TIAM1: variants seen among roughly 807,000 people sequenced by gnomAD.
The protein encoded by TIAM1 is TIAM Rac1 associated GEF 1.
A neutral mutation model predicts 163.5 loss-of-function variants in TIAM1; 65 were observed. The ratio of observed to expected loss-of-function variants is 0.40; its 90% CI spans 0.33 to 0.49. TIAM1 has a LOEUF of 0.49. Among genes scored for constraint, TIAM1 ranks in the 20% least tolerant of loss-of-function variants. TIAM1 has a pLI of 0.77. For synonymous variants in TIAM1, 833 were observed against 810.1 expected, an observed-to-expected ratio of 1.03 and a Z score of -0.48; for missense variants, 1,789 against 2,044.7, an observed-to-expected ratio of 0.87 and a Z score of 2.41.
chr21:31,346,948 GA>G (rs367565631), upstream of TIAM1, among the ~76,000 whole-genome samples: 13 of 152,168 alleles, frequency 8.5e-5, no homozygotes, highest in African/African-American at 3.1e-4. Flanking sequence ...ATTTTGCATG[GA>G]GGGGGAGAAG....
At chr21:31,204,899 T>G (rs749343552) in intron 11 of TIAM1, among the ~76,000 whole-genome samples, 1 of 152,204 alleles carries the variant, frequency 6.6e-6, no homozygotes, top group African/African-American at 2.4e-5. Context: ...AGTAATATGA[T>G]AGTTTGCAGC....
chr21:31,144,830 G>GAAAAAAAAAA (rs764835303), intron 20 of TIAM1, among the ~76,000 whole-genome samples: 317 of 73,812 alleles, frequency 4.3e-3, no homozygotes, highest in Non-Finnish European at 5.0e-3. Context: ...CTCCATCTCA[G>GAAAAAAAAAA]AAAAAAAAAA....
intron 8 of TIAM1, among the ~76,000 whole-genome samples, chr21:31,218,137 C>T (rs2087323685): frequency 6.6e-6 from 1 of 152,130 alleles, no homozygotes; most frequent in South Asian, 2.1e-4. Flanking sequence ...ATTTTGGTTC[C>T]TGGGTTTCCA....
chr21:31,479,715 AGAG>A (rs2046051645), intron 1 of TIAM1, among the ~76,000 whole-genome samples: 2 of 152,320 alleles, frequency 1.3e-5, no homozygotes, highest in South Asian at 2.1e-4. Flanking sequence ...AAGGATAAGA[AGAG>A]GAGAAGAAAG....
At chr21:31,487,002 G>C (rs2046294394) in intron 1 of TIAM1, among the ~76,000 whole-genome samples, 1 of 152,194 alleles carries the variant, frequency 6.6e-6, no homozygotes, top group South Asian at 2.1e-4. Context: ...CTTGGAATGT[G>C]GGATGGCAGA....
intron 2 of TIAM1, among the ~76,000 whole-genome samples, chr21:31,386,866 G>A (rs8130051): frequency 2.3e-3 from 354 of 152,340 alleles, no homozygotes; most frequent in African/African-American, 8.0e-3. Flanking sequence ...ACTGACAGCC[G>A]GAATGGATGC....
At chr21:31,451,709 ATGTGTGTGCGTGTGTGTG>A (rs1442204645) in intron 2 of TIAM1, among the ~76,000 whole-genome samples, 1 of 41,590 alleles carries the variant, frequency 2.4e-5, no homozygotes, top group Non-Finnish European at 7.4e-5. Context: ...GAGTGAAAGC[ATGTGTGTGCGTGTGTGTG>A]TGTGTGTGTG....
intron 4 of TIAM1, among the ~76,000 whole-genome samples, chr21:31,262,781 T>C (rs2072548684): frequency 6.6e-6 from 1 of 152,220 alleles, no homozygotes; most frequent in Non-Finnish European, 1.5e-5. Context: ...GGTCATGCTC[T>C]TGGGTCAAAT....
At chr21:31,185,132 G>A (rs1212305669) in intron 14 of TIAM1, among the ~76,000 whole-genome samples, 3 of 151,984 alleles carry the variant, frequency 2.0e-5, no homozygotes, top group East Asian at 3.9e-4. Flanking sequence ...GATCTCTGAC[G>A]TTCAATACAT....
chr21:31,134,664 C>T (rs1019418476), intron 23 of TIAM1, among the ~76,000 whole-genome samples: 1 of 152,132 alleles, frequency 6.6e-6, no homozygotes, highest in Non-Finnish European at 1.5e-5. Context: ...GCACCTGCCA[C>T]CACATCCAGC....
chr21:31,168,474 C>T (rs953046602), intron 15 of TIAM1, among the ~76,000 whole-genome samples: 2 of 152,100 alleles, frequency 1.3e-5, no homozygotes, highest in Non-Finnish European at 2.9e-5. Flanking sequence ...AATCTCGGCT[C>T]ACTGCCAGCT....
At chr21:31,310,884 T>C (rs1466331630) in intron 2 of TIAM1, among the ~76,000 whole-genome samples, 6 of 152,226 alleles carry the variant, frequency 3.9e-5, no homozygotes. Flanking sequence ...AAAATGTTTA[T>C]TTCTACAGCA....
At chr21:31,537,597 CA>C (rs2048180745) in intron 1 of TIAM1, among the ~76,000 whole-genome samples, 1 of 151,872 alleles carries the variant, frequency 6.6e-6, no homozygotes, top group Admixed American at 6.6e-5. Flanking sequence ...ACTAAAAATA[CA>C]AAAATTGCCC....
chr21:31,312,522 T>C (rs751101674), intron 2 of TIAM1, among the ~76,000 whole-genome samples: 1 of 152,280 alleles, frequency 6.6e-6, no homozygotes, highest in African/African-American at 2.4e-5. Context: ...CAAAACACTT[T>C]CCCTAACCAA....
chr21:31,449,244 T>C (rs1235820717), intron 2 of TIAM1, among the ~76,000 whole-genome samples: 1 of 152,094 alleles, frequency 6.6e-6, no homozygotes, highest in East Asian at 1.9e-4. Context: ...GGATCACAGG[T>C]GTGAGCCACC....
At chr21:31,222,701 ATATATATTTTTTT>A (rs2087659578) in intron 8 of TIAM1, among the ~76,000 whole-genome samples, 1 of 46,422 alleles carries the variant, frequency 2.2e-5, no homozygotes, top group African/African-American at 1.1e-4. Context: ...ATATATATAT[ATATATATTTTTTT>A]TTTTTTTTTT....
intron 2 of TIAM1, among the ~76,000 whole-genome samples, chr21:31,295,793 G>A (rs2074237239): frequency 6.6e-6 from 1 of 152,124 alleles, no homozygotes; most frequent in Admixed American, 6.6e-5. Context: ...AGGATTCTCA[G>A]GTTCTTGACT....
intron 1 of TIAM1, among the ~76,000 whole-genome samples, chr21:31,472,883 T>C (rs947486704): frequency 6.6e-6 from 1 of 152,164 alleles, no homozygotes; most frequent in African/African-American, 2.4e-5. Flanking sequence ...GCATCAGAAA[T>C]TGTCCTCTGC....
At chr21:31,299,053 T>C (rs2074404643) in intron 2 of TIAM1, among the ~76,000 whole-genome samples, 1 of 152,172 alleles carries the variant, frequency 6.6e-6, no homozygotes, top group Admixed American at 6.5e-5. Context: ...AGCAGTTTCT[T>C]CACACTAATG....
Sources: allele counts gnomAD v4.1 joint callset (sites outside exome capture counted in the v4.1 genomes callset), GRCh38; gene constraint gnomAD v4.1.1; transcripts MANE v1.5; gene names NCBI Gene and HGNC (gene_info 2026-07-23, HGNC 2026-07-21).